BNC2: variants seen among roughly 807,000 people sequenced by gnomAD.
BNC2 encodes the protein basonuclin zinc finger protein 2.
BNC2 carries 20 observed loss-of-function variants against 76.3 expected under a neutral mutation model. The observed-to-expected ratio is 0.26, with a 90% CI of 0.18 to 0.38. BNC2 has a LOEUF of 0.38. Ranked by LOEUF, BNC2 falls within the 10% of genes least tolerant of loss-of-function variation. BNC2 has a pLI of 1.00. For synonymous variants in BNC2, 582 were observed against 514.8 expected (o/e 1.13, Z -1.77); for missense variants, 1,382 against 1,399.8 (o/e 0.99, Z 0.20).
intron 1 of BNC2, among the ~76,000 whole-genome samples, chr9:16,869,088 G>C (rs1156404460): frequency 6.6e-6 from 1 of 151,932 alleles, no homozygotes; most frequent in Non-Finnish European, 1.5e-5. Flanking sequence ...CCTGCCACCG[G>C]CTTTTACAGT....
intron 6 of BNC2, 58 bp downstream of exon 6, chr9:16,435,497 T>G: frequency 6.3e-7 from 1 of 1,587,260 alleles, no homozygotes; most frequent in South Asian, 1.1e-5. Flanking sequence ...AAGTCCAACA[T>G]GACTGAAAAC....
At chr9:16,551,030 G>C (rs1030642083) in intron 5 of BNC2, among the ~76,000 whole-genome samples, 1 of 152,056 alleles carries the variant, frequency 6.6e-6, no homozygotes, top group Non-Finnish European at 1.5e-5. Flanking sequence ...CCTAGATCTT[G>C]TTCCCCCTCA....
chr9:16,664,341 G>C (rs1365787465), intron 3 of BNC2, among the ~76,000 whole-genome samples: 1 of 152,094 alleles, frequency 6.6e-6, no homozygotes, highest in East Asian at 1.9e-4. Context: ...GCTGCACTTT[G>C]CCCAGAATGT....
intron 3 of BNC2, among the ~76,000 whole-genome samples, chr9:16,720,347 A>G (rs1262975488): frequency 1.3e-5 from 2 of 152,250 alleles, no homozygotes; most frequent in Non-Finnish European, 2.9e-5. Context: ...AGAAGAAAAG[A>G]GAATAAAGTG....
At chr9:16,788,774 C>G (rs1817416183) in intron 1 of BNC2, among the ~76,000 whole-genome samples, 1 of 152,002 alleles carries the variant, frequency 6.6e-6, no homozygotes, top group Non-Finnish European at 1.5e-5. Flanking sequence ...CTTCATATGC[C>G]TCACACCCTG....
At chr9:16,674,021 A>G (rs1822562757) in intron 3 of BNC2, among the ~76,000 whole-genome samples, 1 of 152,234 alleles carries the variant, frequency 6.6e-6, no homozygotes, top group African/African-American at 2.4e-5. Context: ...TCAAACGTAC[A>G]ACTAGAACTG....
chr9:16,612,889 A>G (rs1468268736), intron 3 of BNC2, among the ~76,000 whole-genome samples: 1 of 152,138 alleles, frequency 6.6e-6, no homozygotes, highest in Non-Finnish European at 1.5e-5. Context: ...TTTACTTGGC[A>G]CCCACACATA....
At chr9:16,857,339 G>A (rs1159227049) in intron 1 of BNC2, among the ~76,000 whole-genome samples, 3 of 151,736 alleles carry the variant, frequency 2.0e-5, no homozygotes, top group African/African-American at 7.3e-5. Context: ...TAGCCGGGCG[G>A]GTTGGCAGGC....
At chr9:16,803,862 C>G (rs1586897089) in intron 1 of BNC2, among the ~76,000 whole-genome samples, 1 of 152,230 alleles carries the variant, frequency 6.6e-6, no homozygotes, top group Non-Finnish European at 1.5e-5. Context: ...TGCGATCTTG[C>G]ATTCGGCTGA....
chr9:16,791,936 C>CAAG (rs1817522344), intron 1 of BNC2, among the ~76,000 whole-genome samples: 2 of 152,008 alleles, frequency 1.3e-5, no homozygotes, highest in African/African-American at 4.8e-5. Context: ...AACTCCATCT[C>CAAG]TATCAAAATA....
intron 5 of BNC2, among the ~76,000 whole-genome samples, chr9:16,524,713 G>T (rs903388401): frequency 6.6e-6 from 1 of 152,060 alleles, no homozygotes; most frequent in African/African-American, 2.4e-5. Context: ...TTAATAATAA[G>T]CTCTATACAA....
chr9:16,804,084 A>G (rs7861010), intron 1 of BNC2, among the ~76,000 whole-genome samples: 40,385 of 152,206 alleles, frequency 0.27, 8,733 homozygotes, highest in East Asian at 0.7. Context: ...ACGCTAAAGA[A>G]AATGATGTAC....
intron 1 of BNC2, among the ~76,000 whole-genome samples, chr9:16,815,420 T>A (rs1289698080): frequency 6.6e-6 from 1 of 152,208 alleles, no homozygotes; most frequent in African/African-American, 2.4e-5. Context: ...TATGGAATGT[T>A]TGTAAGGATA....
intron 1 of BNC2, among the ~76,000 whole-genome samples, chr9:16,761,134 G>C (rs573596337): frequency 1.3e-5 from 2 of 152,026 alleles, no homozygotes; most frequent in African/African-American, 2.4e-5. Flanking sequence ...TGTGGTCCCA[G>C]CTACTTGGGA....
At chr9:16,479,564 T>A (rs1424466454) in intron 5 of BNC2, among the ~76,000 whole-genome samples, 1 of 152,206 alleles carries the variant, frequency 6.6e-6, no homozygotes, top group Non-Finnish European at 1.5e-5. Flanking sequence ...GTATCTACCA[T>A]CTAAATTCTA....
intron 3 of BNC2, among the ~76,000 whole-genome samples, chr9:16,675,267 T>A (rs1210305886): frequency 6.7e-6 from 1 of 150,248 alleles, no homozygotes; most frequent in Admixed American, 6.6e-5. Context: ...TTTTTTTTTT[T>A]AAGTCTCACT....
intron 6 of BNC2, among the ~76,000 whole-genome samples, chr9:16,421,799 G>C (rs1820715463): frequency 6.6e-6 from 1 of 152,174 alleles, no homozygotes. Context: ...GTAGAGTTAC[G>C]CTATGCGCTA....
chr9:16,419,275 T>C lies in BNC2; in HGVS notation c.3014A>G (p.Lys1005Arg). The change falls in exon 7 of 7, where the codon AAG (lysine) becomes AGG (arginine). Residue 1005 changes from lysine to arginine, a missense_variant. Lys to Arg is a conservative substitution (Grantham distance 26). Transcript: ENST00000380672. ...GASDSGESAH[K>R]AEAPALPGSL... The stretch of plus-strand genomic sequence containing the variant: ...GCCAGGGAGGGCAGGGGCCTCGGCC[T>C]TGTGTGCCGACTCCCCACTGTCACT... The C allele has an allele frequency of 2.5e-6, 4 of 1,614,162 alleles. No homozygotes were observed. Among genetic ancestry groups the C allele is most frequent in the African/African-American group, 1.3e-5 (1 of 75,056 alleles).
At chr9:16,493,690 G>C (rs1274245813) in intron 5 of BNC2, among the ~76,000 whole-genome samples, 1 of 152,194 alleles carries the variant, frequency 6.6e-6, no homozygotes, top group African/African-American at 2.4e-5. Flanking sequence ...AAGGATAAAA[G>C]TAAGGCATTC....
Sources: gnomAD v4.1 joint callset for allele counts (sites outside exome capture counted in the v4.1 genomes callset) on GRCh38, gnomAD v4.1.1 for gene constraint, MANE v1.5 for transcripts, NCBI Gene and HGNC (gene_info 2026-07-23, HGNC 2026-07-21) for gene names.